CD200R1: variants seen among roughly 807,000 people sequenced by gnomAD.
The protein encoded by CD200R1 is cell surface glycoprotein CD200 receptor 1.
Under a neutral mutation model 38.1 loss-of-function variants are expected in CD200R1, and 30 were observed. That is an observed-to-expected ratio of 0.79 (90% CI 0.59 to 1.07). The LOEUF (loss-of-function observed/expected upper bound fraction) is 1.07. Ranked by LOEUF, CD200R1 falls within the 50% of genes least tolerant of loss-of-function variation. The probability of loss-of-function intolerance (pLI) is 0.00; values close to 1 mark genes in which losing one functional copy is unlikely to be tolerated. For synonymous variants in CD200R1, 128 were observed against 152.1 expected, an observed-to-expected ratio of 0.84 and a Z score of 1.16; for missense variants, 372 against 415.4, an observed-to-expected ratio of 0.90 and a Z score of 0.91.
intron 1 of CD200R1, among the ~76,000 whole-genome samples, chr3:112,965,491 G>A (rs1027994665): frequency 2.6e-5 from 4 of 152,162 alleles, no homozygotes; most frequent in Non-Finnish European, 5.9e-5. Context: ...GGCCAGGCAT[G>A]GTGGCTCATG....
Position 112,928,880 on chromosome 3 carries a change from A to G in CD200R1, c.705T>C (p.Ser235=), listed in dbSNP as rs747164389. ...STCHWEVHNV[S]TVTCHVSHLT... is the part of the protein sequence containing the mutation. ...AATGGGAGACGTGGCAGGTCACGGT[A>G]GACACATTGTGGACCTCCCAGTGGC... The change falls in exon 5 of 8, where the codon TCT becomes TCC. Residue 235 remains serine, a synonymous_variant. Transcript: ENST00000308611. The G allele has an allele frequency of 1.3e-5, 21 of 1,613,808 alleles. No homozygotes were observed. The Admixed American group carries it at 1.5e-4, about 12-fold the overall frequency.
intron 2 of CD200R1, among the ~76,000 whole-genome samples, chr3:112,936,368 T>A (rs1940581211): frequency 6.6e-6 from 1 of 152,182 alleles, no homozygotes; most frequent in African/African-American, 2.4e-5. Flanking sequence ...ATGTCTTTGA[T>A]GAATCACCAC....
At chr3:112,967,143 A>G (rs907141606) in intron 1 of CD200R1, among the ~76,000 whole-genome samples, 1 of 151,876 alleles carries the variant, frequency 6.6e-6, no homozygotes, top group Non-Finnish European at 1.5e-5. Context: ...TCTACAAGCT[A>G]TCTTTCTCCT....
chr3:112,929,055 T>C lies in CD200R1; in HGVS notation c.530A>G (p.Glu177Gly). 2 of 1,613,870 alleles carry C rather than the reference T, an allele frequency of 1.2e-6. No homozygotes were observed. The highest frequency in any genetic ancestry group is 1.7e-6 in the Non-Finnish European group (2 of 1,179,996). The change falls in exon 5 of 8, where the codon GAA (glutamate) becomes GGA (glycine). Residue 177 changes from glutamate to glycine, a missense_variant. Coordinates refer to ENST00000308611, the MANE Select transcript of CD200R1 (RefSeq NM_138806.4). ...ATTCCTGTTTTGAAACAGGGTCACT[T>C]CAGGTGTAACTGCAGAGAGGAAAGA... ...GYHLQVLVTP[E>G]VTLFQNRNRT... is the part of the protein sequence containing the mutation.
chr3:112,963,479 C>G (rs1933074826), intron 1 of CD200R1, among the ~76,000 whole-genome samples: 1 of 152,156 alleles, frequency 6.6e-6, no homozygotes, highest in African/African-American at 2.4e-5. Flanking sequence ...GGAACTGGAG[C>G]AAAGGTGACT....
Position 112,922,762 on chromosome 3 carries a change from A to G in CD200R1, c.*915T>C, listed in dbSNP as rs546139440. On this transcript the variant is annotated 3_prime_UTR_variant, in exon 8 of 8. Transcript: ENST00000308611. Reference sequence around the variant, plus strand: ...ATCATATTTAATCTGGTTGATTAAAAAGAGAAAGTGGCAACTGTAGAAGCA... The same window carrying G: ...ATCATATTTAATCTGGTTGATTAAAGAGAGAAAGTGGCAACTGTAGAAGCA... The G allele has an allele frequency of 6.6e-6, 1 of 152,100 alleles. No individual in the cohort carries two copies. The highest frequency in any genetic ancestry group is 1.9e-4 in the East Asian group (1 of 5,170). 9.4% of individuals were successfully genotyped at this position (152,100 alleles called of 1,614,324 possible).
intron 2 of CD200R1, among the ~76,000 whole-genome samples, chr3:112,946,380 G>T (rs62263755): frequency 0.014 from 2,182 of 152,190 alleles, 46 homozygotes; most frequent in Non-Finnish European, 0.016. Flanking sequence ...GAAACCCATG[G>T]ATACAGAGGG....
intron 2 of CD200R1, among the ~76,000 whole-genome samples, chr3:112,944,361 C>T (rs1940793866): frequency 6.6e-6 from 1 of 151,872 alleles, no homozygotes; most frequent in Non-Finnish European, 1.5e-5. Context: ...TAATATCTTC[C>T]ATCACATCAA....
intron 2 of CD200R1, among the ~76,000 whole-genome samples, chr3:112,933,116 C>A (rs577652892): frequency 6.6e-6 from 1 of 152,268 alleles, no homozygotes; most frequent in East Asian, 1.9e-4. Context: ...GGGACCTGTA[C>A]CCAGGGCCTA....
intron 1 of CD200R1, among the ~76,000 whole-genome samples, chr3:112,958,973 A>T (rs1383473168): frequency 6.6e-6 from 1 of 152,054 alleles, no homozygotes; most frequent in Non-Finnish European, 1.5e-5. Flanking sequence ...TACTTCATGG[A>T]GGTTTCCTCC....
At chr3:112,957,311 G>T (rs1314361052) in intron 1 of CD200R1, among the ~76,000 whole-genome samples, 1 of 152,170 alleles carries the variant, frequency 6.6e-6, no homozygotes, top group Non-Finnish European at 1.5e-5. Context: ...GGGAATGATT[G>T]CTAAAGAGTC....
chr3:112,925,313 A>C, intron 5 of CD200R1, 120 bp from the exon 6 acceptor site: 1 of 584,438 alleles, frequency 1.7e-6, no homozygotes, highest in East Asian at 3.2e-5. Flanking sequence ...GGAATTTCAA[A>C]TGTATGTTAC....
Position 112,921,948 on chromosome 3 carries a change from T to C in CD200R1, c.*1729A>G, listed in dbSNP as rs1429113938. ...ACTATGAGCCTCAGCTCAACCAGGGTTGGATGAAGAATTAATAAATTTCAA... is the reference window on the plus strand; with the variant it reads ...ACTATGAGCCTCAGCTCAACCAGGGCTGGATGAAGAATTAATAAATTTCAA... On this transcript the variant is annotated 3_prime_UTR_variant, in exon 8 of 8. Transcript: ENST00000308611. The C allele has an allele frequency of 1.3e-5, 2 of 151,966 alleles. No individual in the cohort carries two copies. The highest frequency in any genetic ancestry group is 2.9e-5 in the Non-Finnish European group (2 of 67,946). 9.4% of individuals were successfully genotyped at this position (151,966 alleles called of 1,614,324 possible).
chr3:112,972,752 C>G (rs1323046111), intron 1 of CD200R1, among the ~76,000 whole-genome samples: 2 of 152,174 alleles, frequency 1.3e-5, no homozygotes, highest in African/African-American at 4.8e-5. Context: ...AATAGGGAAA[C>G]CAAATGAATA....
chr3:112,953,980 C>T (rs1467681987), intron 1 of CD200R1, among the ~76,000 whole-genome samples: 1 of 151,922 alleles, frequency 6.6e-6, no homozygotes, highest in Non-Finnish European at 1.5e-5. Context: ...CCTCCTTCTA[C>T]TAATTTTGGG....
chr3:112,966,225 T>G (rs571593581), intron 1 of CD200R1, among the ~76,000 whole-genome samples: 2 of 152,312 alleles, frequency 1.3e-5, no homozygotes, highest in South Asian at 4.1e-4. Context: ...AGAGCAGTGT[T>G]CTGAACCCTG....
At chr3:112,957,679 TATC>T (rs1941132287) in intron 1 of CD200R1, among the ~76,000 whole-genome samples, 1 of 152,142 alleles carries the variant, frequency 6.6e-6, no homozygotes, top group Non-Finnish European at 1.5e-5. Context: ...TTTAGAAAGA[TATC>T]ATCAAGATAA....
At chr3:112,940,179 T>A (rs1036137794) in intron 2 of CD200R1, among the ~76,000 whole-genome samples, 1 of 151,874 alleles carries the variant, frequency 6.6e-6, no homozygotes, top group Non-Finnish European at 1.5e-5. Context: ...TCAAAATTCA[T>A]TGAAGACCTA....
chr3:112,924,539 T>A lies in CD200R1; in HGVS notation c.879-4A>T. On this transcript the variant is annotated splice_region_variant and splice_polypyrimidine_tract_variant and intron_variant, in intron 6 of 7. Coordinates refer to ENST00000308611, the MANE Select transcript of CD200R1 (RefSeq NM_138806.4). ...TGTTTTATTCAATTTATATTTTCTA[T>A]AAAAATAAAATAAATTGAAGTGAAT... 8.2e-7 allele frequency: 1 copy of A among 1,217,176 alleles called. No homozygotes were observed. The highest frequency in any genetic ancestry group is 1.1e-6 in the Non-Finnish European group (1 of 939,862). The allele number at this position is 1,217,176 out of a possible 1,614,324, so 75.4% of individuals were successfully genotyped here.
Sources: allele counts gnomAD v4.1 joint callset (sites outside exome capture counted in the v4.1 genomes callset), GRCh38; gene constraint gnomAD v4.1.1; transcripts MANE v1.5; gene names NCBI Gene and HGNC (gene_info 2026-07-23, HGNC 2026-07-21).